The following CSMD1 variants were observed in gnomAD, a reference collection of about 807,000 sequenced individuals.
The protein encoded by CSMD1 is CUB and sushi domain-containing protein 1.
In CSMD1, 213 loss-of-function variants were observed where a neutral mutation model predicts 417.5. The observed-to-expected ratio is 0.51, with a 90% CI of 0.46 to 0.57. The LOEUF (loss-of-function observed/expected upper bound fraction) is 0.57, where lower values mean the gene tolerates loss of function less well. Among genes scored for constraint, CSMD1 ranks in the 20% least tolerant of loss-of-function variants. The pLI is 0.00. For missense variants in CSMD1, 6,923 were observed against 4,529.7 expected, an observed-to-expected ratio of 1.53 and a Z score of -15.17; for synonymous variants, 2,862 against 1,736.8, an observed-to-expected ratio of 1.65 and a Z score of -16.11.
intron 5 of CSMD1, among the ~76,000 whole-genome samples, chr8:3,816,265 C>A (rs1245677425): frequency 6.6e-6 from 1 of 152,138 alleles, no homozygotes; most frequent in Non-Finnish European, 1.5e-5. Flanking sequence ...TCATTTTCTC[C>A]ACATTAAACT....
At chr8:4,198,667 G>C (rs1201803480) in intron 3 of CSMD1, among the ~76,000 whole-genome samples, 43 of 152,090 alleles carry the variant, frequency 2.8e-4, no homozygotes, top group Admixed American at 1.9e-3. Context: ...GCCTTTTCCA[G>C]ATGGGGCTGG....
intron 2 of CSMD1, among the ~76,000 whole-genome samples, chr8:4,501,171 C>CAT (rs1802242391): frequency 6.6e-6 from 1 of 151,988 alleles, no homozygotes; most frequent in Non-Finnish European, 1.5e-5. Context: ...TATGTGTATG[C>CAT]ATATATATGT....
At chr8:4,193,886 C>A (rs1315841447) in intron 3 of CSMD1, among the ~76,000 whole-genome samples, 5 of 151,758 alleles carry the variant, frequency 3.3e-5, no homozygotes, top group African/African-American at 4.8e-5. Context: ...GCAGAACTGG[C>A]CACCTCCACG....
intron 2 of CSMD1, among the ~76,000 whole-genome samples, chr8:4,596,621 C>G (rs1800292400): frequency 6.6e-6 from 1 of 152,166 alleles, no homozygotes; most frequent in Non-Finnish European, 1.5e-5. Flanking sequence ...GCAACATTGT[C>G]TTTGTTAACT....
intron 6 of CSMD1, among the ~76,000 whole-genome samples, chr8:3,729,007 G>A (rs754513479): frequency 6.6e-5 from 10 of 152,198 alleles, no homozygotes; most frequent in Non-Finnish European, 1.0e-4. Context: ...ACTGTCCTCT[G>A]TGGGGAGCCC....
At chr8:4,322,995 A>G (rs1398469695) in intron 3 of CSMD1, among the ~76,000 whole-genome samples, 1 of 152,236 alleles carries the variant, frequency 6.6e-6, no homozygotes, top group African/African-American at 2.4e-5. Context: ...AAAAAACTAC[A>G]CTAAAATATA....
chr8:3,392,860 C>G (rs1159387609), intron 17 of CSMD1, among the ~76,000 whole-genome samples: 1 of 152,120 alleles, frequency 6.6e-6, no homozygotes, highest in Admixed American at 6.6e-5. Context: ...ACACCACCCA[C>G]AGAAATAGCA....
At position 4,513,172 on chromosome 8, in the gene CSMD1, G is replaced by A. The variant is rs76610666; in HGVS notation, c.303-93107C>T. On this transcript the variant is annotated intron_variant, in intron 2 of 69. Coordinates refer to ENST00000635120, the MANE Select transcript of CSMD1 (RefSeq NM_033225.6). ...CTTTGGTTAATCGAAATATGTCAAA[G>A]TAGGTTCATTGATTGTAATAAATGT... Among the ~76,000 whole-genome samples the A allele has an allele frequency of 2.3e-4, 35 of 152,288 alleles. 2 individuals are homozygous for A. The East Asian group carries it at 6.4e-3, about 28-fold the overall frequency.
chr8:4,160,619 T>C (rs950189006), intron 3 of CSMD1, among the ~76,000 whole-genome samples: 3 of 152,230 alleles, frequency 2.0e-5, no homozygotes, highest in African/African-American at 7.2e-5. Flanking sequence ...ATGTCCCCAC[T>C]TTCTTGCAGA....
intron 5 of CSMD1, among the ~76,000 whole-genome samples, chr8:3,794,900 G>A (rs1181702254): frequency 6.6e-6 from 1 of 151,312 alleles, no homozygotes; most frequent in Non-Finnish European, 1.5e-5. Flanking sequence ...TGTCTGTAAT[G>A]GTTTCCTACC....
intron 2 of CSMD1, among the ~76,000 whole-genome samples, chr8:4,442,308 G>C (rs1248279146): frequency 6.6e-6 from 1 of 152,036 alleles, no homozygotes; most frequent in African/African-American, 2.4e-5. Flanking sequence ...GAAAAGAAAT[G>C]AACACAAAGT....
chr8:3,660,325 A>G (rs955162108), intron 7 of CSMD1, among the ~76,000 whole-genome samples: 1 of 152,096 alleles, frequency 6.6e-6, no homozygotes, highest in African/African-American at 2.4e-5. Flanking sequence ...TCCACCTTAC[A>G]GGATTATTGA....
At chr8:4,738,492 G>T (rs1382685404) in intron 1 of CSMD1, among the ~76,000 whole-genome samples, 2 of 152,038 alleles carry the variant, frequency 1.3e-5, no homozygotes, top group Non-Finnish European at 2.9e-5. Flanking sequence ...AGAACAGGAT[G>T]GGGAAAATCA....
chr8:4,802,609 G>A (rs1172175826), intron 1 of CSMD1, among the ~76,000 whole-genome samples: 2 of 152,110 alleles, frequency 1.3e-5, no homozygotes, highest in Non-Finnish European at 2.9e-5. Context: ...AATTCACAAT[G>A]ACTCTAGGTA....
chr8:4,557,557 A>G (rs1798149933), intron 2 of CSMD1, among the ~76,000 whole-genome samples: 1 of 152,000 alleles, frequency 6.6e-6, no homozygotes, highest in Non-Finnish European at 1.5e-5. Flanking sequence ...ATGAAGGCAG[A>G]AAAACAACAG....
intron 3 of CSMD1, among the ~76,000 whole-genome samples, chr8:4,258,237 A>G (rs1290568566): frequency 7.1e-6 from 1 of 141,394 alleles, no homozygotes; most frequent in Non-Finnish European, 1.5e-5. Flanking sequence ...GAGCCAGCAC[A>G]CCCTACCCCT....
At chr8:4,137,719 GTA>G (rs978594354) in intron 3 of CSMD1, among the ~76,000 whole-genome samples, 2 of 91,122 alleles carry the variant, frequency 2.2e-5, no homozygotes, top group African/African-American at 5.6e-5. Context: ...TAAAGATACT[GTA>G]TTTCACGATG....
intron 3 of CSMD1, among the ~76,000 whole-genome samples, chr8:4,380,531 C>T (rs1339559840): frequency 6.6e-6 from 1 of 152,138 alleles, no homozygotes; most frequent in Non-Finnish European, 1.5e-5. Flanking sequence ...CCCAAGGAGA[C>T]GTGACGACTA....
chr8:4,485,683 G>T (rs1369831699), intron 2 of CSMD1, among the ~76,000 whole-genome samples: 11 of 151,990 alleles, frequency 7.2e-5, no homozygotes, highest in Non-Finnish European at 1.3e-4. Context: ...CCAAAATCAA[G>T]CTGTTAACAA....
Sources: gnomAD v4.1 joint callset for allele counts (sites outside exome capture counted in the v4.1 genomes callset) on GRCh38, gnomAD v4.1.1 for gene constraint, MANE v1.5 for transcripts, NCBI Gene and HGNC (gene_info 2026-07-23, HGNC 2026-07-21) for gene names.